Variants in SH3D19 observed in about 807,000 individuals in gnomAD.
SH3D19 encodes SH3 domain-containing protein 19.
A neutral mutation model predicts 112.1 loss-of-function variants in SH3D19; 58 were observed. The ratio of observed to expected loss-of-function variants is 0.52; its 90% CI spans 0.42 to 0.64. The LOEUF (loss-of-function observed/expected upper bound fraction) is 0.64, where lower values mean the gene tolerates loss of function less well. Among genes scored for constraint, SH3D19 ranks in the 30% least tolerant of loss-of-function variants. The pLI is 0.00. For synonymous variants in SH3D19, 391 were observed against 448.5 expected (o/e 0.87, Z 1.62); for missense variants, 1,090 against 1,263.4 (o/e 0.86, Z 2.08).
chr4:151,301,634 T>C (rs1244252588), intron 1 of SH3D19, among the ~76,000 whole-genome samples: 2 of 152,278 alleles, frequency 1.3e-5, no homozygotes, highest in South Asian at 2.1e-4. Context: ...TCTGCCATGA[T>C]TGAAACCTCC....
chr4:151,122,847 CTTTTTTT>C (rs760704406), intron 19 of SH3D19, among the ~76,000 whole-genome samples: 1 of 120,842 alleles, frequency 8.3e-6, no homozygotes, highest in South Asian at 2.6e-4. Context: ...ATTTTAGAGA[CTTTTTTT>C]TTTTTTTTTT....
intron 4 of SH3D19, 23 bp downstream of exon 4, chr4:151,179,332 C>T (rs539641355): frequency 1.7e-6 from 2 of 1,198,776 alleles, no homozygotes; most frequent in East Asian, 3.2e-5. Flanking sequence ...AATATATGTC[C>T]TCCATTATAA....
intron 1 of SH3D19, among the ~76,000 whole-genome samples, chr4:151,322,733 G>A (rs1187654683): frequency 6.6e-6 from 1 of 152,176 alleles, no homozygotes; most frequent in Non-Finnish European, 1.5e-5. Context: ...TACAAGGACT[G>A]TCCTGTGCTC....
chr4:151,263,086 A>AT (rs953201623), intron 1 of SH3D19, among the ~76,000 whole-genome samples: 2 of 152,252 alleles, frequency 1.3e-5, no homozygotes, highest in African/African-American at 4.8e-5. Flanking sequence ...CTGCTGTCCC[A>AT]TAAGCCTAAT....
At chr4:151,167,727 C>T (rs998106590) in intron 7 of SH3D19, among the ~76,000 whole-genome samples, 13 of 151,482 alleles carry the variant, frequency 8.6e-5, no homozygotes, top group Non-Finnish European at 1.8e-4. Flanking sequence ...TCTGCCCGGC[C>T]GCCCCACCGT....
intron 4 of SH3D19, among the ~76,000 whole-genome samples, chr4:151,178,814 T>C (rs970828333): frequency 9.2e-5 from 14 of 152,190 alleles, no homozygotes; most frequent in Non-Finnish European, 4.4e-5. Flanking sequence ...TATCCATCCA[T>C]TTAGCCATTT....
At chr4:151,180,607 C>T (rs1247259099) in intron 3 of SH3D19, among the ~76,000 whole-genome samples, 4 of 151,296 alleles carry the variant, frequency 2.6e-5, no homozygotes, top group South Asian at 2.1e-4. Context: ...GGGGTTTCAC[C>T]GTGTTAGCCA....
chr4:151,261,624 A>G (rs1266804448), intron 1 of SH3D19: 1 of 152,244 alleles, frequency 6.6e-6, no homozygotes, highest in Non-Finnish European at 1.5e-5. Context: ...GCCCTAGAGC[A>G]CCAGATATAC....
rs529817794 is a variant in SH3D19 at position 151,121,898 on chromosome 4, T to C, written c.*193A>G. 6 of 461,886 alleles carry C rather than the reference T, an allele frequency of 1.3e-5. No homozygotes were observed. The highest frequency in any genetic ancestry group is 1.1e-4 in the South Asian group (3 of 27,428). The allele number at this position is 461,886 out of a possible 1,614,324, so 28.6% of individuals were successfully genotyped here. A position where few individuals can be genotyped will look rare whatever the true frequency, so the allele number is the denominator to read the frequency against. On this transcript the variant is annotated 3_prime_UTR_variant, in exon 20 of 20. Coordinates refer to ENST00000604030, the MANE Select transcript of SH3D19 (RefSeq NM_001378122.1). ...TAGAATCCTAGCTCATGGGTTTCCA[T>C]GTGCATGTTTCTATTGTAATGAAAA...
At chr4:151,191,519 A>G (rs970726174) in intron 2 of SH3D19, among the ~76,000 whole-genome samples, 1 of 152,146 alleles carries the variant, frequency 6.6e-6, no homozygotes, top group Admixed American at 6.5e-5. Context: ...TGCTGTTCTC[A>G]TGATAGTGAA....
intron 14 of SH3D19, among the ~76,000 whole-genome samples, chr4:151,135,657 G>A (rs1751680963): frequency 6.6e-6 from 1 of 151,840 alleles, no homozygotes; most frequent in Non-Finnish European, 1.5e-5. Flanking sequence ...TTGAACTCTT[G>A]GACTCAAGCA....
At chr4:151,322,501 A>AAC (rs1730651085) in intron 1 of SH3D19, among the ~76,000 whole-genome samples, 1 of 26,338 alleles carries the variant, frequency 3.8e-5, no homozygotes, top group South Asian at 1.3e-3. Context: ...TAATTCTGCC[A>AAC]AAAAAAAAAA....
intron 2 of SH3D19, among the ~76,000 whole-genome samples, chr4:151,193,740 A>G (rs1762993596): frequency 6.6e-6 from 1 of 152,214 alleles, no homozygotes; most frequent in South Asian, 2.1e-4. Flanking sequence ...GAAATGTAGC[A>G]TTTACTGCAA....
At chr4:151,215,796 C>T (rs556059203) in intron 2 of SH3D19, among the ~76,000 whole-genome samples, 22 of 151,964 alleles carry the variant, frequency 1.4e-4, no homozygotes, top group African/African-American at 5.1e-4. Flanking sequence ...ATTCTTGGGA[C>T]CAGGCCTGAT....
At position 151,120,948 on chromosome 4, in the gene SH3D19, T is replaced by G. The variant is rs761280179; in HGVS notation, c.*1143A>C. The G allele has an allele frequency of 6.5e-6, 1 of 152,684 alleles. No homozygotes were observed. Among genetic ancestry groups the G allele is most frequent in the Non-Finnish European group, 1.5e-5 (1 of 68,050 alleles). 9.5% of individuals were successfully genotyped at this position (152,684 alleles called of 1,614,324 possible). On this transcript the variant is annotated 3_prime_UTR_variant, in exon 20 of 20. Coordinates refer to ENST00000604030, the MANE Select transcript of SH3D19 (RefSeq NM_001378122.1). ...AGCCCATAAATTGTAATTGATTCAG[T>G]CATGTAAAGAACCACTTTTATCTTA...
intron 1 of SH3D19, among the ~76,000 whole-genome samples, chr4:151,276,213 A>G (rs1368394650): frequency 1.3e-5 from 2 of 152,178 alleles, no homozygotes; most frequent in African/African-American, 4.8e-5. Flanking sequence ...GAGCAGTAAC[A>G]TTTTAATAGT....
intron 1 of SH3D19, among the ~76,000 whole-genome samples, chr4:151,244,437 C>T (rs1215940879): frequency 6.6e-6 from 1 of 152,234 alleles, no homozygotes; most frequent in African/African-American, 2.4e-5. Flanking sequence ...AAGGAAGATT[C>T]TAATACTTGC....
At chr4:151,153,477 C>T (rs1166318302) in intron 9 of SH3D19, among the ~76,000 whole-genome samples, 1 of 152,096 alleles carries the variant, frequency 6.6e-6, no homozygotes, top group Non-Finnish European at 1.5e-5. Flanking sequence ...GAACTCCTGA[C>T]CTCAGGTGAT....
At chr4:151,276,899 C>T (rs1773676199) in intron 1 of SH3D19, among the ~76,000 whole-genome samples, 1 of 152,178 alleles carries the variant, frequency 6.6e-6, no homozygotes, top group African/African-American at 2.4e-5. Context: ...CAACCAGCCA[C>T]TCCTCAACAC....
Sources: gnomAD v4.1 joint callset for allele counts (sites outside exome capture counted in the v4.1 genomes callset) on GRCh38, gnomAD v4.1.1 for gene constraint, MANE v1.5 for transcripts, NCBI Gene and HGNC (gene_info 2026-07-23, HGNC 2026-07-21) for gene names.